Variants in ITGA8 observed in about 807,000 individuals in gnomAD.
The protein encoded by ITGA8 is integrin alpha-8.
Under a neutral mutation model 142.3 loss-of-function variants are expected in ITGA8, and 91 were observed. That is an observed-to-expected ratio of 0.64 (90% CI 0.54 to 0.76). The LOEUF (loss-of-function observed/expected upper bound fraction) is 0.76, where lower values mean the gene tolerates loss of function less well. ITGA8 is among the 30% of genes least tolerant of loss of function. ITGA8 has a pLI of 0.00. For missense variants in ITGA8, 1,406 were observed against 1,327.7 expected (o/e 1.06, Z -0.92); for synonymous variants, 505 against 485.2 (o/e 1.04, Z -0.54).
In ITGA8 at chr10:15,607,849, A is replaced by G. The variant is rs187945611; in HGVS notation, c.1610-18T>C. The G allele has an allele frequency of 3.7e-4, 601 of 1,608,536 alleles. No homozygotes were observed. The highest frequency in any genetic ancestry group is 9.1e-4 in the South Asian group (83 of 90,944). On this transcript the variant is annotated intron_variant, in intron 16 of 29. Coordinates refer to ENST00000378076, the MANE Select transcript of ITGA8 (RefSeq NM_003638.3). ...CATCAAGACTAAAGGACAGAAGTAA[A>G]GTAGAGAAAAAGTATTCAGTGAACA...
chr10:15,621,859 C>T (rs1014204174), intron 13 of ITGA8, among the ~76,000 whole-genome samples: 1 of 151,782 alleles, frequency 6.6e-6, no homozygotes, highest in African/African-American at 2.4e-5. Context: ...ATAGTGAGAC[C>T]CCATTAAAAA....
At chr10:15,607,489 C>T (rs1280155764) in intron 17 of ITGA8, among the ~76,000 whole-genome samples, 188 bp downstream of exon 17, 1 of 152,174 alleles carries the variant, frequency 6.6e-6, no homozygotes, top group Non-Finnish European at 1.5e-5. Flanking sequence ...AATAGCAACA[C>T]ATCATCAGGT....
At chr10:15,605,534 T>A (rs1833179010) in intron 19 of ITGA8, among the ~76,000 whole-genome samples, 190 bp downstream of exon 19, 2 of 152,172 alleles carry the variant, frequency 1.3e-5, no homozygotes, top group Non-Finnish European at 2.9e-5. Flanking sequence ...TCTTAGGGTG[T>A]GTCATTTGAC....
rs772517596 is a variant in ITGA8, at chr10:15,517,147, T to G, written c.*11A>C. 5 of 1,604,092 alleles carry G rather than the reference T, an allele frequency of 3.1e-6. No individual in the cohort carries two copies. In the African/African-American group the frequency reaches 6.7e-5, roughly 22 times the overall value. On this transcript the variant is annotated 3_prime_UTR_variant, in exon 30 of 30. Transcript: ENST00000378076. ...AGTGTTTGAGGTCTTTGGTCTTCTT[T>G]TTTTTTCTTGTCATGCCTCAGGGGT...
At chr10:15,689,528 G>T (rs190117222) in intron 2 of ITGA8, among the ~76,000 whole-genome samples, 3 of 152,260 alleles carry the variant, frequency 2.0e-5, no homozygotes, top group Admixed American at 6.5e-5. Context: ...GGAGAATTCT[G>T]CAGTCCTCAC....
intron 4 of ITGA8, among the ~76,000 whole-genome samples, chr10:15,682,020 A>C (rs558264660): frequency 5.3e-5 from 8 of 152,336 alleles, no homozygotes; most frequent in African/African-American, 1.9e-4. Context: ...GACACAAACT[A>C]TGCCTCATGT....
chr10:15,602,736 T>TGA (rs1564369879), intron 20 of ITGA8, among the ~76,000 whole-genome samples: 18 of 119,824 alleles, frequency 1.5e-4, no homozygotes, highest in South Asian at 2.8e-4. Context: ...AGACCCTGTC[T>TGA]CAAAAAAAAA....
chr10:15,609,860 G>A (rs1323553530), intron 15 of ITGA8, among the ~76,000 whole-genome samples: 2 of 151,900 alleles, frequency 1.3e-5, no homozygotes, highest in Non-Finnish European at 1.5e-5. Flanking sequence ...AATCATTTTA[G>A]ATACAGTATT....
chr10:15,544,578 G>C (rs1833634244), intron 27 of ITGA8, among the ~76,000 whole-genome samples: 1 of 152,170 alleles, frequency 6.6e-6, no homozygotes. Flanking sequence ...TCTGACTAGA[G>C]AAAAACAGGA....
intron 3 of ITGA8, among the ~76,000 whole-genome samples, chr10:15,687,295 T>C (rs1834849308): frequency 6.6e-6 from 1 of 151,820 alleles, no homozygotes; most frequent in African/African-American, 2.4e-5. Flanking sequence ...AGCCAATAGG[T>C]TGAAAAAATC....
intron 13 of ITGA8, among the ~76,000 whole-genome samples, chr10:15,629,703 G>A (rs1833651037): frequency 6.6e-6 from 1 of 152,082 alleles, no homozygotes; most frequent in Admixed American, 6.5e-5. Flanking sequence ...AAGGCAGGTG[G>A]ATCACTTGAG....
chr10:15,620,790 A>G (rs957596134), intron 13 of ITGA8, among the ~76,000 whole-genome samples: 1 of 152,236 alleles, frequency 6.6e-6, no homozygotes, highest in Admixed American at 6.5e-5. Context: ...CTATACACAC[A>G]TAAGTATAGA....
chr10:15,523,438 T>A (rs529328101), intron 28 of ITGA8, among the ~76,000 whole-genome samples: 1 of 152,206 alleles, frequency 6.6e-6, no homozygotes, highest in African/African-American at 2.4e-5. Context: ...ACGTACTGGC[T>A]TTCTGTTTAC....
chr10:15,678,606 C>T, intron 5 of ITGA8, 116 bp downstream of exon 5: 2 of 701,586 alleles, frequency 2.9e-6, no homozygotes, highest in South Asian at 1.9e-5. Flanking sequence ...AGGTATGTTC[C>T]TCAAGATTCT....
Position 15,517,048 on chromosome 10 carries a change from C to T in ITGA8, c.*110G>A, listed in dbSNP as rs1832975095. 5.8e-6 allele frequency: 4 copies of T among 688,660 alleles called. No homozygotes were observed. Among genetic ancestry groups the T allele is most frequent in the Non-Finnish European group, 6.9e-6 (3 of 435,096 alleles). 42.7% of individuals were successfully genotyped at this position (688,660 alleles called of 1,614,324 possible). A position where few individuals can be genotyped will look rare whatever the true frequency, so the allele number is the denominator to read the frequency against. On this transcript the variant is annotated 3_prime_UTR_variant, in exon 30 of 30. Transcript: ENST00000378076. ...GATGTTTCCAGGGTCCCCTCCATTT[C>T]CTGGGTCACTGTCAGGTATCAGAAA...
At chr10:15,529,849 T>C (rs1833254448) in intron 28 of ITGA8, among the ~76,000 whole-genome samples, 2 of 152,354 alleles carry the variant, frequency 1.3e-5, no homozygotes, top group African/African-American at 2.4e-5. Context: ...AATGCTCTGA[T>C]GATTTTGATA....
In ITGA8 at chr10:15,704,928, G is replaced by T. The variant is rs577310151; in HGVS notation, c.343+13838C>A. On this transcript the variant is annotated intron_variant, in intron 2 of 29. Transcript: ENST00000378076. Reference sequence around the variant, plus strand: ...TTATATTTCTAAGAATCTCATGCCTGCTGCCAAAAGATATAGTAAAGGGTC... The same window carrying T: ...TTATATTTCTAAGAATCTCATGCCTTCTGCCAAAAGATATAGTAAAGGGTC... Among the ~76,000 whole-genome samples, 3 of 152,292 alleles carry T rather than the reference G, an allele frequency of 2.0e-5. No individual in the cohort carries two copies. The South Asian group carries it at 6.2e-4, about 32-fold the overall frequency.
chr10:15,544,452 A>G (rs1246063339), intron 27 of ITGA8, among the ~76,000 whole-genome samples: 1 of 152,184 alleles, frequency 6.6e-6, no homozygotes, highest in Non-Finnish European at 1.5e-5. Flanking sequence ...CTGGTTTTGG[A>G]CTTTGAGAGA....
At chr10:15,663,376 C>T (rs779604256) in intron 8 of ITGA8, among the ~76,000 whole-genome samples, 4 of 152,000 alleles carry the variant, frequency 2.6e-5, no homozygotes, top group Non-Finnish European at 4.4e-5. Flanking sequence ...TTTAGATAGC[C>T]TCAAAACACA....
Sources: allele counts gnomAD v4.1 joint callset (sites outside exome capture counted in the v4.1 genomes callset), GRCh38; gene constraint gnomAD v4.1.1; transcripts MANE v1.5; gene names NCBI Gene and HGNC (gene_info 2026-07-23, HGNC 2026-07-21).